Variants in VWC2 observed in about 807,000 individuals in gnomAD.
VWC2 encodes the protein brorin.
Under a neutral mutation model 29.8 loss-of-function variants are expected in VWC2, and 14 were observed. The ratio of observed to expected loss-of-function variants is 0.47; its 90% CI spans 0.31 to 0.74. The LOEUF is 0.74. VWC2 is among the 30% of genes least tolerant of loss of function. The pLI is 0.05. For missense variants in VWC2, 457 were observed against 459.8 expected, an observed-to-expected ratio of 0.99 and a Z score of 0.05; for synonymous variants, 213 against 199.0, an observed-to-expected ratio of 1.07 and a Z score of -0.59.
At chr7:49,821,599 T>C (rs775559802) in intron 3 of VWC2, among the ~76,000 whole-genome samples, 2 of 152,144 alleles carry the variant, frequency 1.3e-5, no homozygotes, top group Non-Finnish European at 2.9e-5. Context: ...TCTTACATGC[T>C]TCAAGTAGAA....
intron 3 of VWC2, among the ~76,000 whole-genome samples, chr7:49,804,813 A>G (rs901928311): frequency 4.5e-4 from 69 of 152,240 alleles, no homozygotes; most frequent in African/African-American, 1.6e-3. Flanking sequence ...ATCTCTCTAT[A>G]TACATAACCC....
At chr7:49,829,319 C>T (rs1196495696) in intron 3 of VWC2, among the ~76,000 whole-genome samples, 1 of 152,202 alleles carries the variant, frequency 6.6e-6, no homozygotes, top group Non-Finnish European at 1.5e-5. Flanking sequence ...TTTCTGAACT[C>T]TTAGAGTCTC....
intron 3 of VWC2, among the ~76,000 whole-genome samples, chr7:49,867,079 T>G (rs951988952): frequency 6.6e-6 from 1 of 152,128 alleles, no homozygotes; most frequent in African/African-American, 2.4e-5. Context: ...GCTCAAGAAA[T>G]GTAAATAGCC....
At chr7:49,894,140 T>C (rs923568512) in intron 3 of VWC2, among the ~76,000 whole-genome samples, 1 of 145,990 alleles carries the variant, frequency 6.8e-6, no homozygotes, top group African/African-American at 2.6e-5. Context: ...CACCTATGTG[T>C]GTCGTTTCTA....
chr7:49,792,924 A>G (rs1788497629), intron 2 of VWC2, among the ~76,000 whole-genome samples: 1 of 152,136 alleles, frequency 6.6e-6, no homozygotes, highest in African/African-American at 2.4e-5. Context: ...GTCCAGGACC[A>G]AGTTTCCCAC....
chr7:49,778,593 A>G (rs1788101698), intron 2 of VWC2, among the ~76,000 whole-genome samples: 1 of 152,198 alleles, frequency 6.6e-6, no homozygotes, highest in African/African-American at 2.4e-5. Flanking sequence ...TATTGTCTCC[A>G]TTTTTGTTTC....
intron 3 of VWC2, among the ~76,000 whole-genome samples, chr7:49,822,255 CCT>C (rs774871330): frequency 1.3e-4 from 20 of 151,672 alleles, no homozygotes; most frequent in Non-Finnish European, 1.9e-4. Flanking sequence ...GCAGTTATGC[CCT>C]GTCATATATC....
At chr7:49,839,062 C>T (rs1021529909) in intron 3 of VWC2, among the ~76,000 whole-genome samples, 1 of 152,048 alleles carries the variant, frequency 6.6e-6, no homozygotes, top group Non-Finnish European at 1.5e-5. Context: ...GATAAAGAGA[C>T]CCCAGAGCCC....
chr7:49,783,506 C>A (rs1788223951), intron 2 of VWC2, among the ~76,000 whole-genome samples: 1 of 152,214 alleles, frequency 6.6e-6, no homozygotes, highest in Admixed American at 6.5e-5. Flanking sequence ...CCTACCTACC[C>A]TGTGACCATC....
chr7:49,776,232 G>A lies in VWC2; in HGVS notation c.696+101G>A, dbSNP rs1583617249. On this transcript the variant is annotated intron_variant, in intron 2 of 3. Transcript: ENST00000340652. ...CACTTTGAAGAAGAGGTGCTCTCTG[G>A]TTCTGAGAGGTGGAGAGCACTGTGC... The A allele has an allele frequency of 2.9e-6, 3 of 1,048,018 alleles. No homozygotes were observed. The South Asian group carries it at 5.0e-5, about 17-fold the overall frequency. 64.9% of individuals were successfully genotyped at this position (1,048,018 alleles called of 1,614,324 possible). A position where few individuals can be genotyped will look rare whatever the true frequency, so the allele number is the denominator to read the frequency against.
chr7:49,850,011 C>T (rs754056020), intron 3 of VWC2, among the ~76,000 whole-genome samples: 3 of 152,168 alleles, frequency 2.0e-5, no homozygotes, highest in Non-Finnish European at 2.9e-5. Context: ...AGTGCCACTG[C>T]ACAGTGCACA....
chr7:49,783,601 A>G (rs1445065412), intron 2 of VWC2, among the ~76,000 whole-genome samples: 2 of 152,194 alleles, frequency 1.3e-5, no homozygotes, highest in African/African-American at 4.8e-5. Context: ...CAGCTGGATC[A>G]TACTTCTCAT....
rs1399430904 is a variant in VWC2, at chr7:49,915,572, G to A, written c.*3387G>A. On this transcript the variant is annotated 3_prime_UTR_variant, in exon 4 of 4. Coordinates refer to ENST00000340652, the MANE Select transcript of VWC2 (RefSeq NM_198570.5). Reference sequence around the variant, plus strand: ...AATTTTTGTTTTTAAGCAGTGAAATGGGTTTTTAAATGTATACATTATCTG... The same window carrying A: ...AATTTTTGTTTTTAAGCAGTGAAATAGGTTTTTAAATGTATACATTATCTG... The A allele has an allele frequency of 6.6e-6, 1 of 152,024 alleles. No homozygotes were observed. Among genetic ancestry groups the A allele is most frequent in the African/African-American group, 2.4e-5 (1 of 41,394 alleles). 9.4% of individuals were successfully genotyped at this position (152,024 alleles called of 1,614,324 possible).
In VWC2 at chr7:49,874,308, T is replaced by C. The variant is rs144638697; in HGVS notation, c.827-37726T>C. 2.8e-3 allele frequency among the ~76,000 whole-genome samples: 425 copies of C among 152,326 alleles called. 1 individual carries two copies. The highest frequency in any genetic ancestry group is 4.8e-3 in the Non-Finnish European group (328 of 68,020). On this transcript the variant is annotated intron_variant, in intron 3 of 3. Coordinates refer to ENST00000340652, the MANE Select transcript of VWC2 (RefSeq NM_198570.5). ...ACTCTACCTTTTCTATGGTTAGATA[T>C]GTTTAGATACACAAATCTTTACCAT... is the stretch of plus-strand genomic sequence containing the variant.
At chr7:49,834,398 A>G in intron 3 of VWC2, among the ~76,000 whole-genome samples, 1 of 152,220 alleles carries the variant, frequency 6.6e-6, no homozygotes. Context: ...TAAGAAGTCC[A>G]TGCTGGAAAC....
intron 3 of VWC2, among the ~76,000 whole-genome samples, chr7:49,875,573 C>T (rs956087195): frequency 4.0e-5 from 6 of 151,722 alleles, no homozygotes; most frequent in Non-Finnish European, 4.4e-5. Context: ...GAAAGGTGGT[C>T]AGGGGTGCAG....
At chr7:49,774,379 G>C (rs1178088125) in intron 1 of VWC2, among the ~76,000 whole-genome samples, 1 of 152,226 alleles carries the variant, frequency 6.6e-6, no homozygotes, top group Admixed American at 6.5e-5. Flanking sequence ...CAGAGTGGGG[G>C]CGTTCGGGGA....
chr7:49,808,740 T>C (rs1477626652), intron 3 of VWC2, among the ~76,000 whole-genome samples: 2 of 151,952 alleles, frequency 1.3e-5, no homozygotes, highest in Non-Finnish European at 2.9e-5. Flanking sequence ...ATCTGGGAAA[T>C]TGGAGATTAT....
chr7:49,824,310 T>C (rs935777197), intron 3 of VWC2, among the ~76,000 whole-genome samples: 2 of 152,222 alleles, frequency 1.3e-5, no homozygotes, highest in Admixed American at 6.5e-5. Context: ...TCTAGTTGTT[T>C]CAGTACCATT....
Sources: allele counts gnomAD v4.1 joint callset (sites outside exome capture counted in the v4.1 genomes callset), GRCh38; gene constraint gnomAD v4.1.1; transcripts MANE v1.5; gene names NCBI Gene and HGNC (gene_info 2026-07-23, HGNC 2026-07-21).